The following MINK1 variants were observed in gnomAD, a reference collection of about 807,000 sequenced individuals.
MINK1 encodes the protein misshapen like kinase 1, also known as misshapen-like kinase 1.
Under a neutral mutation model 178.4 loss-of-function variants are expected in MINK1, and 46 were observed. The ratio of observed to expected loss-of-function variants is 0.26; its 90% CI spans 0.20 to 0.33. MINK1 has a LOEUF of 0.33. Ranked by LOEUF, MINK1 falls within the 10% of genes least tolerant of loss-of-function variation. The probability of loss-of-function intolerance (pLI) is 1.00; values close to 1 mark genes in which losing one functional copy is unlikely to be tolerated. For missense variants in MINK1, 1,366 were observed against 1,814.9 expected, an observed-to-expected ratio of 0.75 and a Z score of 4.49; for synonymous variants, 797 against 709.7, an observed-to-expected ratio of 1.12 and a Z score of -1.96.
intron 1 of MINK1, among the ~76,000 whole-genome samples, chr17:4,865,744 G>T (rs901604683): frequency 7.1e-6 from 1 of 141,092 alleles, no homozygotes; most frequent in Admixed American, 7.1e-5. Flanking sequence ...AAAAAAGCCA[G>T]TATCCAGGCA....
rs1206103183 is a variant in MINK1 at position 4,867,118 on chromosome 17, T to C, written c.58-11199T>C. ...AATAATAATAATAAACTGCACACTA[T>C]AGTAGGTGCTCTTAGGACTGTTTTT... On this transcript the variant is annotated intron_variant, in intron 1 of 31. Coordinates refer to ENST00000355280, the MANE Select transcript of MINK1 (RefSeq NM_153827.5). Among the ~76,000 whole-genome samples the C allele has an allele frequency of 1.1e-4, 8 of 69,858 alleles. No homozygotes were observed. The East Asian group carries it at 2.1e-3, about 18-fold the overall frequency. 45.8% of individuals were successfully genotyped at this position (69,858 alleles called of 152,430 possible).
At chr17:4,897,130 CCTTCTTT>C (rs2151085676) in intron 31 of MINK1, 67 bp from the exon 32 acceptor site, 7 of 1,196,422 alleles carry the variant, frequency 5.9e-6, no homozygotes, top group Non-Finnish European at 8.4e-6. Context: ...CCCCTTCTTC[CCTTCTTT>C]CCCTCTCCCA....
At chr17:4,879,319 C>G (rs938036597) in intron 2 of MINK1, among the ~76,000 whole-genome samples, 10 of 152,252 alleles carry the variant, frequency 6.6e-5, no homozygotes, top group Non-Finnish European at 1.5e-4. Context: ...CTGGAGCCCC[C>G]TGGGGCCCGT....
chr17:4,890,057 C>T (rs1383603679), intron 13 of MINK1: 3 of 515,716 alleles, frequency 5.8e-6, no homozygotes, highest in Non-Finnish European at 1.0e-5. Context: ...GCATGGCCCC[C>T]TGGGGCTCAT....
At position 4,870,696 on chromosome 17, in the gene MINK1, G is replaced by A. The variant is rs564775027; in HGVS notation, c.58-7621G>A. Among the ~76,000 whole-genome samples the A allele has an allele frequency of 5.3e-5, 8 of 152,024 alleles. 1 individual carries two copies. Among genetic ancestry groups the A allele is most frequent in the East Asian group, 1.9e-4 (1 of 5,146 alleles). On this transcript the variant is annotated intron_variant, in intron 1 of 31. Coordinates refer to ENST00000355280, the MANE Select transcript of MINK1 (RefSeq NM_153827.5). Reference sequence around the variant, plus strand: ...AAAAATTAGCCAGGTGTGGTGGTGCGCACCTGTAGTCCCAGCTACTTGGGA... The same window carrying A: ...AAAAATTAGCCAGGTGTGGTGGTGCACACCTGTAGTCCCAGCTACTTGGGA...
chr17:4,863,669 A>G (rs1914520376), intron 1 of MINK1, among the ~76,000 whole-genome samples: 1 of 152,208 alleles, frequency 6.6e-6, no homozygotes, highest in South Asian at 2.1e-4. Flanking sequence ...TTCACCTGTG[A>G]AATGAGTATA....
chr17:4,874,747 C>G (rs191333100), intron 1 of MINK1, among the ~76,000 whole-genome samples: 214 of 152,154 alleles, frequency 1.4e-3, no homozygotes, highest in African/African-American at 4.9e-3. Flanking sequence ...GTGCGGGACC[C>G]CAACTTGCTT....
intron 1 of MINK1, among the ~76,000 whole-genome samples, chr17:4,843,160 G>A (rs1225611620): frequency 6.6e-6 from 1 of 152,146 alleles, no homozygotes; most frequent in African/African-American, 2.4e-5. Context: ...GCAGGGTAGG[G>A]GGAACAGGCA....
chr17:4,888,822 TG>T (rs1968479288), intron 12 of MINK1, among the ~76,000 whole-genome samples: 1 of 151,258 alleles, frequency 6.6e-6, no homozygotes, highest in Non-Finnish European at 1.5e-5. Context: ...CTCAGCCTCC[TG>T]AGGAGCTGGG....
Position 4,891,679 on chromosome 17 carries a change from C to T in MINK1, c.1964C>T (p.Pro655Leu). 1 of 1,602,104 alleles carries T rather than the reference C, an allele frequency of 6.2e-7. No homozygotes were observed. The highest frequency in any genetic ancestry group is 8.5e-7 in the Non-Finnish European group (1 of 1,175,046). The part of the protein sequence containing the change: ...SEGPGPSPNP[P>L]AWVRPDNEAP... ...GGACCTGGCCCCAGCCCGAATCCCCCAGCCTGGGTCCGCCCAGATAACGAG... is the reference window on the plus strand; with the variant it reads ...GGACCTGGCCCCAGCCCGAATCCCCTAGCCTGGGTCCGCCCAGATAACGAG... Residue 655 changes from proline (P) to leucine (L), a missense_variant, in exon 16 of 32, where the codon CCA (proline) becomes CTA (leucine). This residue lies in a region of MINK1 where 709 missense variants were observed against 692.3 expected (regional missense o/e 1.02). Transcript: ENST00000355280.
intron 1 of MINK1, among the ~76,000 whole-genome samples, chr17:4,838,818 T>C (rs1048149084): frequency 6.6e-6 from 1 of 152,168 alleles, no homozygotes; most frequent in Non-Finnish European, 1.5e-5. Context: ...TGGCAGTCTA[T>C]GTATTGAGAA....
chr17:4,896,064 C>T lies in MINK1; in HGVS notation c.3426C>T (p.Ala1142=), dbSNP rs780610517. The stretch of plus-strand genomic sequence containing the variant: ...TCAAGAGCTCCGTGGAGGTGTATGC[C>T]TGGGCCCCCAAACCCTACCACAAAT... ...IALKSSVEVY[A]WAPKPYHKFM... The change falls in exon 28 of 32, where the codon GCC becomes GCT. Residue 1142 remains alanine, a synonymous_variant. Coordinates refer to ENST00000355280, the MANE Select transcript of MINK1 (RefSeq NM_153827.5). The surrounding 1 kb of genome is among the most constrained non-coding windows in gnomAD (Gnocchi z 4.6). 1 of 1,608,032 alleles carries T rather than the reference C, an allele frequency of 6.2e-7. No homozygotes were observed.
At chr17:4,868,271 C>T (rs1343432949) in intron 1 of MINK1, among the ~76,000 whole-genome samples, 1 of 152,158 alleles carries the variant, frequency 6.6e-6, no homozygotes, top group Non-Finnish European at 1.5e-5. Context: ...GCCACCGTGC[C>T]CAACCCTCTT....
At position 4,887,105 on chromosome 17, in the gene MINK1, T is replaced by A. The variant is rs1338041932; in HGVS notation, c.950-5T>A. The A allele has an allele frequency of 6.3e-7, 1 of 1,587,510 alleles. No individual in the cohort carries two copies. Among genetic ancestry groups the A allele is most frequent in the Non-Finnish European group, 8.6e-7 (1 of 1,166,914 alleles). ...TGAGATAACTGCAGTGGCCTCCCCC[T>A]GCAGAGGAGACAGAATATGAGTACA... is the stretch of plus-strand genomic sequence containing the variant. On this transcript the variant is annotated splice_region_variant and splice_polypyrimidine_tract_variant and intron_variant, in intron 10 of 31. Transcript: ENST00000355280. This position sits in a 1 kb window ranked among gnomAD's most constrained non-coding sequence, Gnocchi z 7.6.
In MINK1 at chr17:4,897,360, C is replaced by CTCTT; in HGVS notation, c.*76_*79dup. On this transcript the variant is annotated 3_prime_UTR_variant, in exon 32 of 32. Transcript: ENST00000355280. ...TGCAGCCAGGCTTCCCGGGCCGCCC[C>CTCTT]TCTTTCCCCTCCCTGGGCTTTTGCT... 3 of 1,387,538 alleles carry CTCTT rather than the reference C, an allele frequency of 2.2e-6. No homozygotes were observed. The highest frequency in any genetic ancestry group is 3.0e-6 in the Non-Finnish European group (3 of 984,382). 86.0% of individuals were successfully genotyped at this position (1,387,538 alleles called of 1,614,324 possible). A position where few individuals can be genotyped will look rare whatever the true frequency, so the allele number is the denominator to read the frequency against.
At chr17:4,891,200 G>GCTCACACACA in intron 15 of MINK1, 76 bp downstream of exon 15, 1 of 1,003,382 alleles carries the variant, frequency 1.0e-6, no homozygotes, top group Non-Finnish European at 1.4e-6. Context: ...ACACACGCGC[G>GCTCACACACA]CACACACACA....
At chr17:4,878,877 T>C (rs963309369) in intron 2 of MINK1, among the ~76,000 whole-genome samples, 74 of 152,330 alleles carry the variant, frequency 4.9e-4, no homozygotes, top group African/African-American at 1.8e-3. Flanking sequence ...CCTCTGTCCC[T>C]GACAGAAGTG....
chr17:4,889,767 G>C lies in MINK1; in HGVS notation c.1347+4G>C. 6.5e-7 allele frequency: 1 copy of C among 1,530,536 alleles called. No individual in the cohort carries two copies. Among genetic ancestry groups the C allele is most frequent in the Non-Finnish European group, 8.8e-7 (1 of 1,141,958 alleles). 94.8% of individuals were successfully genotyped at this position (1,530,536 alleles called of 1,614,324 possible). A position where few individuals can be genotyped will look rare whatever the true frequency, so the allele number is the denominator to read the frequency against. ...GCGGCAGGCGGAGCGCGAGCAGGTA[G>C]AGCGCCGCACCCGCATCCCTGCCCT... On this transcript the variant is annotated splice_donor_region_variant and intron_variant, in intron 13 of 31. Coordinates refer to ENST00000355280, the MANE Select transcript of MINK1 (RefSeq NM_153827.5).
At position 4,894,598 on chromosome 17, in the gene MINK1, A is replaced by G; in HGVS notation, c.2882A>G (p.Gln961Arg). 6.2e-7 allele frequency: 1 copy of G among 1,608,796 alleles called. No individual in the cohort carries two copies. The highest frequency in any genetic ancestry group is 8.5e-7 in the Non-Finnish European group (1 of 1,177,550). Reference sequence around the variant, plus strand: ...ATGTTTGTGGATCTAGGGATCTACCAGCCTGGAGGCAGTGGGGACAGCATC... The same window carrying G: ...ATGTTTGTGGATCTAGGGATCTACCGGCCTGGAGGCAGTGGGGACAGCATC... ...FTMFVDLGIY[Q>R]PGGSGDSIPI... The change falls in exon 24 of 32, where the codon CAG becomes CGG. Residue 961 changes from glutamine to arginine, a missense_variant. Physicochemically the swap from Gln to Arg is conservative, Grantham distance 43. Around this residue, in one of 14 missense-constraint regions of MINK1, gnomAD observed 709 missense variants for 692.3 expected, o/e 1.02. Coordinates refer to ENST00000355280, the MANE Select transcript of MINK1 (RefSeq NM_153827.5). The surrounding 1 kb of genome is among the most constrained non-coding windows in gnomAD (Gnocchi z 4.1).
Sources: gnomAD v4.1 joint callset for allele counts (sites outside exome capture counted in the v4.1 genomes callset) on GRCh38, gnomAD v4.1.1 for gene constraint, gnomAD v4.1.1 regional missense constraint, Gnocchi (gnomAD v3.1) non-coding constraint, MANE v1.5 for transcripts, NCBI Gene and HGNC (gene_info 2026-07-23, HGNC 2026-07-21) for gene names.